Variants in TEK observed in about 807,000 individuals in gnomAD.
TEK encodes the protein angiopoietin-1 receptor.
TEK carries 43 observed loss-of-function variants against 131.8 expected under a neutral mutation model. The ratio of observed to expected loss-of-function variants is 0.33; its 90% CI spans 0.26 to 0.42. The LOEUF (loss-of-function observed/expected upper bound fraction) is 0.42, where lower values mean the gene tolerates loss of function less well. Ranked by LOEUF, TEK falls within the 10% of genes least tolerant of loss-of-function variation. The probability of loss-of-function intolerance (pLI) is 1.00; values close to 1 mark genes in which losing one functional copy is unlikely to be tolerated. For missense variants in TEK, 1,162 were observed against 1,384.4 expected (o/e 0.84, Z 2.55); for synonymous variants, 580 against 491.6 (o/e 1.18, Z -2.38).
Position 27,109,296 on chromosome 9 carries a change from G to A in TEK, c.-295G>A, listed in dbSNP as rs1821238649. ...ACAGATAAGTGTTTTGATGAATTGCGAGATGGATAGGGCTTGAGTGCCCCC... is the reference window on the plus strand; with the variant it reads ...ACAGATAAGTGTTTTGATGAATTGCAAGATGGATAGGGCTTGAGTGCCCCC... On this transcript the variant is annotated 5_prime_UTR_variant, in exon 1 of 23. Coordinates refer to ENST00000380036, the MANE Select transcript of TEK (RefSeq NM_000459.5). 1.9e-6 allele frequency: 1 copy of A among 540,472 alleles called. No homozygotes were observed. The highest frequency in any genetic ancestry group is 3.0e-5 in the East Asian group (1 of 32,980). 33.5% of individuals were successfully genotyped at this position (540,472 alleles called of 1,614,324 possible). A position where few individuals can be genotyped will look rare whatever the true frequency, so the allele number is the denominator to read the frequency against.
intron 1 of TEK, among the ~76,000 whole-genome samples, chr9:27,156,954 C>T (rs1252340727): frequency 6.8e-6 from 1 of 145,990 alleles, no homozygotes; most frequent in African/African-American, 2.5e-5. Context: ...TCTATCTGCT[C>T]ATGTTAGAAC....
intron 11 of TEK, chr9:27,195,613 G>A: frequency 4.4e-6 from 2 of 455,446 alleles, no homozygotes; most frequent in Middle Eastern, 6.6e-4. Context: ...CTTCATATCT[G>A]GAATTTAAAA....
At chr9:27,193,147 C>G (rs376276250) in intron 11 of TEK, among the ~76,000 whole-genome samples, 8 of 152,224 alleles carry the variant, frequency 5.3e-5, no homozygotes, top group Admixed American at 1.3e-4. Context: ...GAACAGCATT[C>G]TCCTGCTCCA....
chr9:27,212,652 A>T, intron 16 of TEK, 55 bp from the exon 17 acceptor site: 1 of 1,591,586 alleles, frequency 6.3e-7, no homozygotes, highest in Non-Finnish European at 8.6e-7. Context: ...CATCTCTTAA[A>T]TGTCATAGCT....
chr9:27,150,527 C>T (rs1379809217), intron 1 of TEK, among the ~76,000 whole-genome samples: 5 of 152,086 alleles, frequency 3.3e-5, no homozygotes, highest in African/African-American at 1.2e-4. Flanking sequence ...GGGAGGATAA[C>T]TTGAGCCCTT....
chr9:27,206,926 G>T, intron 15 of TEK, 134 bp downstream of exon 15: 2 of 985,532 alleles, frequency 2.0e-6, no homozygotes, highest in Non-Finnish European at 1.5e-6. Context: ...GCAACTGAAG[G>T]TTATGCTTCC....
At chr9:27,113,041 A>G (rs574233316) in intron 1 of TEK, among the ~76,000 whole-genome samples, 3 of 152,338 alleles carry the variant, frequency 2.0e-5, no homozygotes, top group South Asian at 4.1e-4. Flanking sequence ...CTTCACTGAA[A>G]TCTACTGCTA....
intron 1 of TEK, among the ~76,000 whole-genome samples, chr9:27,113,454 G>A (rs930117363): frequency 6.6e-6 from 1 of 152,138 alleles, no homozygotes; most frequent in African/African-American, 2.4e-5. Flanking sequence ...AAGGTGTGGT[G>A]GTGTGTGCCC....
At chr9:27,219,984 C>A in intron 20 of TEK, 65 bp from the exon 21 acceptor site, 2 of 1,541,372 alleles carry the variant, frequency 1.3e-6, no homozygotes, top group East Asian at 2.3e-5. Flanking sequence ...TATTTAGAAA[C>A]CCTGGACAGG....
chr9:27,173,507 T>C, intron 6 of TEK, 145 bp downstream of exon 6: 1 of 972,778 alleles, frequency 1.0e-6, no homozygotes, highest in South Asian at 1.3e-5. Flanking sequence ...CATGGATGTT[T>C]ACATCCAATG....
chr9:27,198,622 A>G (rs960282064), intron 12 of TEK, among the ~76,000 whole-genome samples: 2 of 152,232 alleles, frequency 1.3e-5, no homozygotes, highest in African/African-American at 4.8e-5. Flanking sequence ...CCCATCCAGA[A>G]TTAACAACTG....
intron 4 of TEK, among the ~76,000 whole-genome samples, chr9:27,170,418 A>G (rs1823909859): frequency 6.6e-6 from 1 of 152,102 alleles, no homozygotes; most frequent in African/African-American, 2.4e-5. Flanking sequence ...TGAGCTCAAG[A>G]GTTTGAGACC....
In TEK at chr9:27,172,764, G is replaced by A. The variant is rs368608342; in HGVS notation, c.760+17G>A. On this transcript the variant is annotated intron_variant, in intron 5 of 22. Coordinates refer to ENST00000380036, the MANE Select transcript of TEK (RefSeq NM_000459.5). Reference sequence around the variant, plus strand: ...GTGAGAAGGGTAAGTAAAGAGACTTGATAAGTAAGCTGTGGATTTAAAAAG... The same window carrying A: ...GTGAGAAGGGTAAGTAAAGAGACTTAATAAGTAAGCTGTGGATTTAAAAAG... 2 of 1,612,856 alleles carry A rather than the reference G, an allele frequency of 1.2e-6. No homozygotes were observed. The highest frequency in any genetic ancestry group is 2.7e-5 in the African/African-American group (2 of 74,886).
At chr9:27,216,894 C>G (rs1169616306) in intron 18 of TEK, among the ~76,000 whole-genome samples, 1 of 152,156 alleles carries the variant, frequency 6.6e-6, no homozygotes, top group African/African-American at 2.4e-5. Context: ...ATCAACCTCT[C>G]AATGACCAAC....
rs1266820900 is a variant in TEK, at chr9:27,200,918, C to T, written c.1910-1902C>T. Among the ~76,000 whole-genome samples, 5 of 152,126 alleles carry T rather than the reference C, an allele frequency of 3.3e-5. No homozygotes were observed. The East Asian group carries it at 5.8e-4, about 18-fold the overall frequency. ...AAGTGACTTGCCCAAAATTATGGAA[C>T]TAGTACGGCATGGGGATTAGGATTC... On this transcript the variant is annotated intron_variant, in intron 12 of 22. Transcript: ENST00000380036.
intron 11 of TEK, among the ~76,000 whole-genome samples, chr9:27,195,201 T>C (rs1320957053): frequency 6.6e-6 from 1 of 152,142 alleles, no homozygotes; most frequent in African/African-American, 2.4e-5. Flanking sequence ...ACCTTTTGCA[T>C]AATGCCAAGA....
intron 6 of TEK, 24 bp from the exon 7 acceptor site, chr9:27,180,216 G>T: frequency 1.2e-6 from 2 of 1,613,402 alleles, no homozygotes; most frequent in Non-Finnish European, 8.5e-7. Flanking sequence ...ATTAATACTG[G>T]TTTTTTGATG....
At chr9:27,159,037 T>G (rs1316870933) in intron 2 of TEK, among the ~76,000 whole-genome samples, 1 of 152,190 alleles carries the variant, frequency 6.6e-6, no homozygotes, top group Non-Finnish European at 1.5e-5. Flanking sequence ...AATGAGCATT[T>G]ATAGCTTGTG....
chr9:27,202,477 A>G (rs1048211459), intron 12 of TEK, among the ~76,000 whole-genome samples: 9 of 152,236 alleles, frequency 5.9e-5, no homozygotes, highest in African/African-American at 1.9e-4. Context: ...GACTAGATCA[A>G]TGCCTGCCAT....
Sources: allele counts gnomAD v4.1 joint callset (sites outside exome capture counted in the v4.1 genomes callset), GRCh38; gene constraint gnomAD v4.1.1; transcripts MANE v1.5; gene names NCBI Gene and HGNC (gene_info 2026-07-23, HGNC 2026-07-21).